Variants in RGPD8 observed in about 807,000 individuals in gnomAD.
RGPD8 encodes RANBP2-like and GRIP domain-containing protein 8.
RGPD8 carries 15 observed loss-of-function variants against 89.1 expected under a neutral mutation model. The observed-to-expected ratio is 0.17, with a 90% confidence interval of 0.11 to 0.26. The LOEUF (loss-of-function observed/expected upper bound fraction) is 0.26, where lower values mean the gene tolerates loss of function less well. RGPD8 is among the 10% of genes least tolerant of loss of function. The pLI, the probability that RGPD8 is intolerant of heterozygous loss-of-function variation, is 1.00. For missense variants in RGPD8, 178 were observed against 1,179.6 expected (o/e 0.15, Z 12.44); for synonymous variants, 62 against 420.9 (o/e 0.15, Z 10.44).
Position 112,423,602 on chromosome 2 carries a change from G to A in RGPD8, c.140+638C>T, listed in dbSNP as rs1311579675. ...ATCTGTATCCCCAGCTACTTGGGGCGCTGAGGTGGGAAGATCGCTTGAGCC... is the reference window on the plus strand; with the variant it reads ...ATCTGTATCCCCAGCTACTTGGGGCACTGAGGTGGGAAGATCGCTTGAGCC... On this transcript the variant is annotated intron_variant, in intron 2 of 22. Coordinates refer to ENST00000302558, the MANE Select transcript of RGPD8 (RefSeq NM_001164463.1). 2.2e-4 allele frequency among the ~76,000 whole-genome samples: 31 copies of A among 138,072 alleles called. 2 individuals carry two copies. Among genetic ancestry groups the A allele is most frequent in the African/African-American group, 7.4e-4 (27 of 36,422 alleles). 90.6% of individuals were successfully genotyped at this position (138,072 alleles called of 152,430 possible). A position where few individuals can be genotyped will look rare whatever the true frequency, so the allele number is the denominator to read the frequency against.
chr2:112,414,140 G>C (rs1412419250), intron 6 of RGPD8, among the ~76,000 whole-genome samples: 3 of 147,644 alleles, frequency 2.0e-5, no homozygotes, highest in Admixed American at 6.6e-5. Flanking sequence ...ACACTTTTCT[G>C]ACTACTTTTT....
chr2:112,417,071 A>C (rs1379507158), intron 6 of RGPD8, 122 bp downstream of exon 6: 7 of 1,596,274 alleles, frequency 4.4e-6, no homozygotes, highest in Non-Finnish European at 6.0e-6. Context: ...TCACTGTATT[A>C]ACTATAACTC....
At position 112,377,370 on chromosome 2, in the gene RGPD8, G is replaced by A. The variant is rs201788050; in HGVS notation, c.5263+683C>T. 1.7e-4 allele frequency among the ~76,000 whole-genome samples: 18 copies of A among 106,216 alleles called. 5 individuals are homozygous for A. In the East Asian group the frequency reaches 3.6e-3, roughly 21 times the overall value. 69.7% of individuals were successfully genotyped at this position (106,216 alleles called of 152,430 possible). On this transcript the variant is annotated intron_variant, in intron 22 of 22. Transcript: ENST00000302558. ...GACACATCACTGCAACCTCCGCCTCGTGAGTTCAAGCGACTCTGCTGCCTC... is the reference window on the plus strand; with the variant it reads ...GACACATCACTGCAACCTCCGCCTCATGAGTTCAAGCGACTCTGCTGCCTC...
intron 1 of RGPD8, among the ~76,000 whole-genome samples, chr2:112,426,377 C>T (rs1456634823): frequency 6.0e-5 from 9 of 150,810 alleles, no homozygotes; most frequent in South Asian, 4.2e-4. Flanking sequence ...CTGGGTAGGA[C>T]GGAGCAGGAG....
chr2:112,402,578 T>C (rs1156849158), intron 9 of RGPD8, among the ~76,000 whole-genome samples: 2 of 145,522 alleles, frequency 1.4e-5, no homozygotes, highest in Non-Finnish European at 3.0e-5. Flanking sequence ...CTTTCTGTCA[T>C]TTTGGCAATT....
intron 2 of RGPD8, 142 bp from the exon 3 acceptor site, chr2:112,422,801 C>T: frequency 1.8e-6 from 1 of 541,152 alleles, no homozygotes; most frequent in Non-Finnish European, 3.0e-6. Context: ...ATGCAGATAA[C>T]TCAAAAGTAT....
Position 112,432,613 on chromosome 2 carries a change from T to G in RGPD8, c.72+769A>C, listed in dbSNP as rs1232890308. On this transcript the variant is annotated intron_variant, in intron 1 of 22. Coordinates refer to ENST00000302558, the MANE Select transcript of RGPD8 (RefSeq NM_001164463.1). The stretch of plus-strand genomic sequence containing the variant: ...TCCTCCAGGCCAAGGAGGTACGACC[T>G]CCGCCGCGGCATATAAAGTAAATGT... 3.0e-6 allele frequency: 3 copies of G among 984,650 alleles called. No individual in the cohort carries two copies. The East Asian group carries it at 3.4e-4, about 112-fold the overall frequency. 61.0% of individuals were successfully genotyped at this position (984,650 alleles called of 1,614,324 possible). A position where few individuals can be genotyped will look rare whatever the true frequency, so the allele number is the denominator to read the frequency against.
chr2:112,391,029 T>C lies in RGPD8; in HGVS notation c.2643A>G (p.Pro881=). The change falls in exon 19 of 23, where the codon CCA becomes CCG. Residue 881 remains proline, a synonymous_variant. Coordinates refer to ENST00000302558, the MANE Select transcript of RGPD8 (RefSeq NM_001164463.1). Reference sequence around the variant, plus strand: ...TGAGAAGATACTGGGAATTATATGCTGGTGACTGACTATAATATACTGAAG... The same window carrying C: ...TGAGAAGATACTGGGAATTATATGCCGGTGACTGACTATAATATACTGAAG... ...TGPSVYYSQS[P]AYNSQYLLRP... is the part of the protein sequence containing the mutation. 6.3e-7 allele frequency: 1 copy of C among 1,574,942 alleles called. No homozygotes were observed. The highest frequency in any genetic ancestry group is 8.5e-7 in the Non-Finnish European group (1 of 1,171,758).
At chr2:112,422,454 A>G (rs1679595165) in intron 3 of RGPD8, 94 bp downstream of exon 3, 2 of 1,549,064 alleles carry the variant, frequency 1.3e-6, no homozygotes, top group African/African-American at 1.4e-5. Flanking sequence ...CTGTTTTATG[A>G]TATTTATAAA....
intron 1 of RGPD8, among the ~76,000 whole-genome samples, chr2:112,426,683 A>G (rs1279270790): frequency 2.6e-5 from 4 of 151,596 alleles, no homozygotes; most frequent in Non-Finnish European, 5.9e-5. Flanking sequence ...ACCTTGCTCA[A>G]TGCCAGGCTA....
intron 1 of RGPD8, among the ~76,000 whole-genome samples, chr2:112,430,048 A>T (rs1679960208): frequency 6.6e-6 from 1 of 152,220 alleles, no homozygotes; most frequent in African/African-American, 2.4e-5. Context: ...AAGTGCTCGG[A>T]TTACAGACGA....
intron 20 of RGPD8, among the ~76,000 whole-genome samples, chr2:112,381,849 A>C (rs1347354445): frequency 1.3e-5 from 2 of 152,202 alleles, no homozygotes; most frequent in Non-Finnish European, 2.9e-5. Flanking sequence ...TATTTTAAAA[A>C]AGATTTGTTT....
chr2:112,430,513 T>C (rs1363958726), intron 1 of RGPD8, among the ~76,000 whole-genome samples: 27 of 152,300 alleles, frequency 1.8e-4, no homozygotes, highest in Non-Finnish European at 2.9e-4. Context: ...AAAATGTTGC[T>C]ACCACTCCAC....
At chr2:112,408,800 T>G (rs1344134045) in intron 7 of RGPD8, among the ~76,000 whole-genome samples, 1 of 151,876 alleles carries the variant, frequency 6.6e-6, no homozygotes, top group Non-Finnish European at 1.5e-5. Flanking sequence ...GCCTCTCAAG[T>G]AGCTGGGACT....
intron 2 of RGPD8, among the ~76,000 whole-genome samples, chr2:112,423,552 T>C (rs1463235293): frequency 1.6e-5 from 2 of 125,912 alleles, no homozygotes; most frequent in Non-Finnish European, 3.3e-5. Flanking sequence ...ATGCAAACCT[T>C]AGCCAGGTCC....
chr2:112,423,981 C>T (rs894852506), intron 2 of RGPD8, among the ~76,000 whole-genome samples: 4 of 152,146 alleles, frequency 2.6e-5, no homozygotes, highest in African/African-American at 9.7e-5. Flanking sequence ...CAACAGAAGA[C>T]AATTTTTAGA....
rs1679594173 is a variant in RGPD8, at chr2:112,422,437, C to T, written c.252+111G>A. 2.7e-5 allele frequency: 40 copies of T among 1,488,654 alleles called. 1 individual carries two copies. The highest frequency in any genetic ancestry group is 3.7e-5 in the Non-Finnish European group (40 of 1,088,278). 92.2% of individuals were successfully genotyped at this position (1,488,654 alleles called of 1,614,324 possible). A position where few individuals can be genotyped will look rare whatever the true frequency, so the allele number is the denominator to read the frequency against. On this transcript the variant is annotated intron_variant, in intron 3 of 22. Transcript: ENST00000302558. ...TGTGTCACATAATTGTACTATGATA[C>T]CAATGCCTGTTTTATGATATTTATA...
chr2:112,410,889 C>A (rs377259302), intron 7 of RGPD8, among the ~76,000 whole-genome samples: 2 of 152,288 alleles, frequency 1.3e-5, no homozygotes, highest in Non-Finnish European at 2.9e-5. Context: ...AGCTCAAGAC[C>A]AGCCTGACCA....
intron 6 of RGPD8, among the ~76,000 whole-genome samples, chr2:112,415,112 G>A (rs574382136): frequency 1.3e-4 from 20 of 148,468 alleles, no homozygotes; most frequent in Non-Finnish European, 2.8e-4. Flanking sequence ...GGCTGGGCGC[G>A]GTGGCTCACC....
Sources: gnomAD v4.1 joint callset for allele counts (sites outside exome capture counted in the v4.1 genomes callset) on GRCh38, gnomAD v4.1.1 for gene constraint, MANE v1.5 for transcripts, NCBI Gene and HGNC (gene_info 2026-07-23, HGNC 2026-07-21) for gene names.